Variants in PEX5L observed in about 807,000 individuals in gnomAD.
The protein encoded by PEX5L is PEX5-related protein.
PEX5L carries 30 observed loss-of-function variants against 84.0 expected under a neutral mutation model. The observed-to-expected ratio is 0.36, with a 90% CI of 0.27 to 0.48. The LOEUF is 0.48. Ranked by LOEUF, PEX5L falls within the 20% of genes least tolerant of loss-of-function variation. PEX5L has a pLI of 0.99. For synonymous variants in PEX5L, 270 were observed against 283.1 expected (o/e 0.95, Z 0.46); for missense variants, 533 against 754.6 (o/e 0.71, Z 3.44).
At chr3:179,807,632 C>G (rs1182977556) in intron 14 of PEX5L, 42 bp downstream of exon 14, 1 of 1,592,316 alleles carries the variant, frequency 6.3e-7, no homozygotes, top group Non-Finnish European at 8.6e-7. Context: ...CGACCTCAGT[C>G]CTGGGCATGG....
intron 2 of PEX5L, among the ~76,000 whole-genome samples, chr3:179,961,031 G>A (rs1781861113): frequency 6.6e-6 from 1 of 152,126 alleles, no homozygotes; most frequent in Admixed American, 6.5e-5. Flanking sequence ...ATGAATGAAT[G>A]TTTTTTCTAT....
At chr3:179,943,530 G>A (rs7630877) in intron 2 of PEX5L, among the ~76,000 whole-genome samples, 50,071 of 152,040 alleles carry the variant, frequency 0.33, 8,425 homozygotes, top group African/African-American at 0.35. Flanking sequence ...CCAATTAGTC[G>A]AATCCTTTCC....
chr3:179,950,848 T>G (rs532191545), intron 2 of PEX5L, among the ~76,000 whole-genome samples: 1 of 152,272 alleles, frequency 6.6e-6, no homozygotes, highest in South Asian at 2.1e-4. Context: ...GAGGAAAGGC[T>G]GAGAGGAAAT....
At chr3:179,933,514 T>C (rs1773695785) in intron 2 of PEX5L, among the ~76,000 whole-genome samples, 1 of 152,222 alleles carries the variant, frequency 6.6e-6, no homozygotes, top group Non-Finnish European at 1.5e-5. Flanking sequence ...GCACTTTAAC[T>C]GAATTTTTAA....
In PEX5L at chr3:179,801,918, C is replaced by T. The variant is rs777272761; in HGVS notation, c.1791G>A (p.Ala597=). ...GTTCTGGTTGGTCCATCAGAGAGAGCGCAATTCTGAGGGCAGCCCAGATAT... is the reference window on the plus strand; with the variant it reads ...GTTCTGGTTGGTCCATCAGAGAGAGTGCAATTCTGAGGGCAGCCCAGATAT... ...SGNIWAALRI[A]LSLMDQPELF... Residue 597 remains alanine (A), a synonymous_variant, in exon 15 of 15, where the codon GCG becomes GCA. Coordinates refer to ENST00000467460, the MANE Select transcript of PEX5L (RefSeq NM_016559.3). 2.1e-5 allele frequency: 34 copies of T among 1,613,438 alleles called. No homozygotes were observed. The highest frequency in any genetic ancestry group is 2.0e-4 in the East Asian group (9 of 44,882).
intron 1 of PEX5L, chr3:179,974,003 T>A: frequency 1.0e-6 from 1 of 985,428 alleles, no homozygotes; most frequent in Non-Finnish European, 1.2e-6. Context: ...CATAATGGTA[T>A]TCACTCACTT....
Position 179,801,689 on chromosome 3 carries a change from GA to G in PEX5L, c.*138del, listed in dbSNP as rs1020695484. The G allele has an allele frequency of 7.5e-6, 5 of 665,072 alleles. No homozygotes were observed. The African/African-American group carries it at 9.1e-5, about 12-fold the overall frequency. The allele number at this position is 665,072 out of a possible 1,614,324, so 41.2% of individuals were successfully genotyped here. ...AACAGAGACTGGGCATTGTCCACAG[GA>G]ATTAATTTCCTTGGGCTATATGACC... On this transcript the variant is annotated 3_prime_UTR_variant, in exon 15 of 15. Transcript: ENST00000467460.
At chr3:179,955,577 T>C (rs2110027223) in intron 2 of PEX5L, among the ~76,000 whole-genome samples, 1 of 151,920 alleles carries the variant, frequency 6.6e-6, no homozygotes, top group South Asian at 2.1e-4. Flanking sequence ...TGTTTTCATG[T>C]GGGCTATGTA....
At position 179,955,334 on chromosome 3, in the gene PEX5L, T is replaced by C. The variant is rs1387711518; in HGVS notation, c.93+16260A>G. Among the ~76,000 whole-genome samples the C allele has an allele frequency of 4.6e-5, 7 of 152,262 alleles. No homozygotes were observed. The South Asian group carries it at 1.5e-3, about 32-fold the overall frequency. On this transcript the variant is annotated intron_variant, in intron 2 of 14. Transcript: ENST00000467460. The stretch of plus-strand genomic sequence containing the variant: ...TTCCCTTCAAAACTATACAGGGTGG[T>C]TCTAAATGTCAACTTACTTCGTGAG...
chr3:180,009,541 C>T lies in PEX5L; in HGVS notation c.21+27038G>A, dbSNP rs150650415. On this transcript the variant is annotated intron_variant, in intron 1 of 14. Coordinates refer to ENST00000467460, the MANE Select transcript of PEX5L (RefSeq NM_016559.3). The stretch of plus-strand genomic sequence containing the variant: ...TCAAGGAAGCAGAAGTTTGTAGGAA[C>T]TCAGCATGAGTTACTGAAAAAATTT... 9.9e-5 allele frequency among the ~76,000 whole-genome samples: 15 copies of T among 151,942 alleles called. 1 individual carries two copies. Among genetic ancestry groups the T allele is most frequent in the African/African-American group, 2.9e-4 (12 of 41,484 alleles).
intron 1 of PEX5L, among the ~76,000 whole-genome samples, chr3:179,981,362 G>A (rs1478459054): frequency 6.6e-6 from 1 of 152,194 alleles, no homozygotes; most frequent in African/African-American, 2.4e-5. Flanking sequence ...GGTGAGGAAC[G>A]GATTGGAGGA....
chr3:179,833,796 G>GTC (rs150426850), intron 8 of PEX5L, among the ~76,000 whole-genome samples: 3 of 151,560 alleles, frequency 2.0e-5, no homozygotes, highest in Non-Finnish European at 2.9e-5. Flanking sequence ...GAATGGTAAA[G>GTC]TCTCTCTCTC....
chr3:179,900,963 T>C (rs904000779), intron 2 of PEX5L, among the ~76,000 whole-genome samples: 12 of 152,158 alleles, frequency 7.9e-5, no homozygotes, highest in African/African-American at 2.9e-4. Context: ...CAATGCAAGA[T>C]TTCCCCCAAA....
At chr3:179,951,430 A>G (rs766988584) in intron 2 of PEX5L, among the ~76,000 whole-genome samples, 1 of 152,210 alleles carries the variant, frequency 6.6e-6, no homozygotes, top group Non-Finnish European at 1.5e-5. Context: ...AAGTATAAGC[A>G]AATGGTCTCT....
At chr3:179,915,904 T>C (rs1766892273) in intron 2 of PEX5L, among the ~76,000 whole-genome samples, 1 of 152,180 alleles carries the variant, frequency 6.6e-6, no homozygotes, top group South Asian at 2.1e-4. Context: ...ACTACCAAAA[T>C]AGTATTCAGC....
intron 1 of PEX5L, among the ~76,000 whole-genome samples, chr3:179,979,252 A>G (rs1447129046): frequency 6.6e-6 from 1 of 152,162 alleles, no homozygotes; most frequent in East Asian, 1.9e-4. Context: ...CAAATTTTAA[A>G]AAAAAAACAA....
At chr3:179,899,693 A>G (rs1470180934) in intron 2 of PEX5L, among the ~76,000 whole-genome samples, 1 of 152,150 alleles carries the variant, frequency 6.6e-6, no homozygotes, top group Non-Finnish European at 1.5e-5. Context: ...TGTATAGCTA[A>G]TAGATTTTTA....
chr3:179,878,182 C>T (rs1753065350), intron 5 of PEX5L, among the ~76,000 whole-genome samples: 1 of 152,202 alleles, frequency 6.6e-6, no homozygotes, highest in Non-Finnish European at 1.5e-5. Flanking sequence ...GCCCCTCTTC[C>T]ATCTTCTATC....
intron 4 of PEX5L, among the ~76,000 whole-genome samples, chr3:179,882,468 A>C (rs773599487): frequency 4.6e-5 from 7 of 152,206 alleles, no homozygotes; most frequent in Non-Finnish European, 1.0e-4. Context: ...TGGCACACAC[A>C]GAAAGCCTAA....
Sources: allele counts gnomAD v4.1 joint callset (sites outside exome capture counted in the v4.1 genomes callset), GRCh38; gene constraint gnomAD v4.1.1; transcripts MANE v1.5; gene names NCBI Gene and HGNC (gene_info 2026-07-23, HGNC 2026-07-21).